The following DEPTOR variants were observed in gnomAD, a reference collection of about 807,000 sequenced individuals.
DEPTOR encodes the protein DEP domain-containing mTOR-interacting protein.
DEPTOR carries 41 observed loss-of-function variants against 41.6 expected under a neutral mutation model. The ratio of observed to expected loss-of-function variants is 0.98; its 90% CI spans 0.77 to 1.28. The LOEUF (loss-of-function observed/expected upper bound fraction) is 1.28. Ranked by LOEUF, DEPTOR falls within the 50% of genes most tolerant of loss-of-function variation. The probability of loss-of-function intolerance (pLI) is 0.00; values close to 1 mark genes in which losing one functional copy is unlikely to be tolerated. For synonymous variants in DEPTOR, 195 were observed against 192.3 expected (o/e 1.01, Z -0.12); for missense variants, 514 against 527.9 (o/e 0.97, Z 0.26).
chr8:119,928,646 C>G, intron 2 of DEPTOR, 68 bp downstream of exon 2: 2 of 1,509,506 alleles, frequency 1.3e-6, no homozygotes, highest in South Asian at 1.3e-5. Flanking sequence ...ATGAACATAC[C>G]CACTTAAGAA....
chr8:119,882,326 G>T (rs1465684192), intron 1 of DEPTOR, among the ~76,000 whole-genome samples: 2 of 152,028 alleles, frequency 1.3e-5, no homozygotes, highest in Non-Finnish European at 2.9e-5. Context: ...CTTCTGTCCT[G>T]TTGTGTTATT....
chr8:119,948,666 A>C (rs1459985258), intron 3 of DEPTOR, among the ~76,000 whole-genome samples: 1 of 152,112 alleles, frequency 6.6e-6, no homozygotes, highest in African/African-American at 2.4e-5. Context: ...TCATCACTTC[A>C]AAAAGAAACC....
intron 1 of DEPTOR, among the ~76,000 whole-genome samples, chr8:119,923,281 G>A (rs983806100): frequency 1.3e-5 from 2 of 151,486 alleles, no homozygotes; most frequent in African/African-American, 4.8e-5. Context: ...TCTCTCTGTG[G>A]TGCCCGGGCT....
chr8:120,002,205 T>C (rs1478467940), intron 5 of DEPTOR, among the ~76,000 whole-genome samples: 1 of 152,174 alleles, frequency 6.6e-6, no homozygotes, highest in African/African-American at 2.4e-5. Flanking sequence ...AGTGGTGCAA[T>C]CTTGGCTCAC....
At chr8:119,918,793 C>T (rs1364115335) in intron 1 of DEPTOR, among the ~76,000 whole-genome samples, 1 of 151,910 alleles carries the variant, frequency 6.6e-6, no homozygotes, top group African/African-American at 2.4e-5. Context: ...AAGGTTTCTC[C>T]ATGTTGGTCA....
intron 3 of DEPTOR, among the ~76,000 whole-genome samples, chr8:119,933,376 G>T (rs1176532393): frequency 6.6e-5 from 10 of 151,292 alleles, no homozygotes; most frequent in Non-Finnish European, 8.8e-5. Context: ...TGTAATCCCA[G>T]CTACTTGGGA....
At chr8:119,910,836 A>G (rs1034795607) in intron 1 of DEPTOR, among the ~76,000 whole-genome samples, 7 of 152,214 alleles carry the variant, frequency 4.6e-5, no homozygotes, top group Non-Finnish European at 8.8e-5. Flanking sequence ...AAGATGGCCT[A>G]AACATTTGAC....
intron 3 of DEPTOR, among the ~76,000 whole-genome samples, chr8:119,950,192 C>T (rs932053939): frequency 6.6e-6 from 1 of 152,020 alleles, no homozygotes; most frequent in Non-Finnish European, 1.5e-5. Context: ...CATAGATATA[C>T]CAAAGTAGTG....
At chr8:120,033,139 G>A (rs1519811) in intron 8 of DEPTOR, among the ~76,000 whole-genome samples, 19,109 of 146,026 alleles carry the variant, frequency 0.13, 1,756 homozygotes, top group African/African-American at 0.25. Flanking sequence ...CCAGGCTGGA[G>A]TGCAATGATG....
chr8:119,896,101 T>C (rs1432906972), intron 1 of DEPTOR, among the ~76,000 whole-genome samples: 1 of 152,198 alleles, frequency 6.6e-6, no homozygotes, highest in South Asian at 2.1e-4. Flanking sequence ...TTTTGTGTTA[T>C]GTAGATTTTC....
At chr8:120,047,888 T>C (rs980874566) in intron 8 of DEPTOR, among the ~76,000 whole-genome samples, 2 of 149,452 alleles carry the variant, frequency 1.3e-5, no homozygotes, top group Non-Finnish European at 3.0e-5. Flanking sequence ...CTACCAAAAA[T>C]ACAAAAAATT....
chr8:120,004,766 T>A (rs889942379), intron 6 of DEPTOR, among the ~76,000 whole-genome samples: 1 of 152,094 alleles, frequency 6.6e-6, no homozygotes, highest in African/African-American at 2.4e-5. Flanking sequence ...TTCCACTTCT[T>A]ACCCATAGTT....
At chr8:119,950,154 C>T (rs1828334262) in intron 3 of DEPTOR, among the ~76,000 whole-genome samples, 1 of 152,132 alleles carries the variant, frequency 6.6e-6, no homozygotes, top group African/African-American at 2.4e-5. Flanking sequence ...GTTATATGGC[C>T]TTGGCACCCT....
chr8:119,912,354 A>G (rs1014300573), intron 1 of DEPTOR, among the ~76,000 whole-genome samples: 2 of 152,142 alleles, frequency 1.3e-5, no homozygotes, highest in African/African-American at 4.8e-5. Context: ...AAGAAACAAC[A>G]CCTGTTTCAG....
At chr8:120,022,706 A>ATT (rs5894508) in intron 8 of DEPTOR, among the ~76,000 whole-genome samples, 22,757 of 150,888 alleles carry the variant, frequency 0.15, 2,535 homozygotes, top group African/African-American at 0.32. Flanking sequence ...ATCTATTTTA[A>ATT]TTTTTTTTTC....
intron 1 of DEPTOR, among the ~76,000 whole-genome samples, chr8:119,878,204 G>A (rs1827252830): frequency 6.6e-6 from 1 of 151,936 alleles, no homozygotes; most frequent in South Asian, 2.1e-4. Flanking sequence ...TAGAAGAGAC[G>A]AGGTTTCTCC....
chr8:119,913,887 C>T (rs541207554), intron 1 of DEPTOR, among the ~76,000 whole-genome samples: 3 of 152,270 alleles, frequency 2.0e-5, no homozygotes, highest in South Asian at 4.1e-4. Flanking sequence ...CATGCCCTAG[C>T]GTCACCTCTG....
At chr8:119,976,163 C>A (rs1388291542) in intron 4 of DEPTOR, among the ~76,000 whole-genome samples, 1 of 151,860 alleles carries the variant, frequency 6.6e-6, no homozygotes, top group Admixed American at 6.6e-5. Context: ...CTCCCAGCCC[C>A]CTACTCATGC....
intron 7 of DEPTOR, 73 bp from the exon 8 acceptor site, chr8:120,008,956 T>C (rs527750843): frequency 2.8e-6 from 4 of 1,452,922 alleles, no homozygotes; most frequent in Non-Finnish European, 3.8e-6. Context: ...TGGGCTGGTT[T>C]TCTCTCCCTC....
Sources: allele counts gnomAD v4.1 joint callset (sites outside exome capture counted in the v4.1 genomes callset), GRCh38; gene constraint gnomAD v4.1.1; transcripts MANE v1.5; gene names NCBI Gene and HGNC (gene_info 2026-07-23, HGNC 2026-07-21).